DOCK4: variants seen among roughly 807,000 people sequenced by gnomAD.
DOCK4 encodes the protein dedicator of cytokinesis protein 4.
A neutral mutation model predicts 268.1 loss-of-function variants in DOCK4; 97 were observed. The observed-to-expected ratio is 0.36, with a 90% CI of 0.31 to 0.43. DOCK4 has a LOEUF of 0.43. DOCK4 is among the 20% of genes least tolerant of loss of function. The pLI is 1.00. For missense variants in DOCK4, 2,145 were observed against 2,455.7 expected, an observed-to-expected ratio of 0.87 and a Z score of 2.67; for synonymous variants, 954 against 887.2, an observed-to-expected ratio of 1.08 and a Z score of -1.34.
In DOCK4 at chr7:111,735,255, G is replaced by A. The variant is rs559338199; in HGVS notation, c.5306-88C>T. The A allele has an allele frequency of 3.3e-6, 3 of 906,304 alleles. No homozygotes were observed. The Admixed American group carries it at 9.7e-5, about 29-fold the overall frequency. 56.1% of individuals were successfully genotyped at this position (906,304 alleles called of 1,614,324 possible). On this transcript the variant is annotated intron_variant, in intron 50 of 52. Transcript: ENST00000428084. The stretch of plus-strand genomic sequence containing the variant: ...CTTAGAAGAAAGTCAGAATTATCCA[G>A]AATGAAAAACTTAACTGGATGAAAA...
intron 1 of DOCK4, among the ~76,000 whole-genome samples, chr7:112,028,466 C>G (rs1239135026): frequency 1.3e-5 from 2 of 152,144 alleles, no homozygotes; most frequent in Admixed American, 6.5e-5. Context: ...ATTGCAAACA[C>G]AGAACTACAT....
chr7:111,782,766 C>A, intron 35 of DOCK4, 98 bp downstream of exon 35: 1 of 1,207,288 alleles, frequency 8.3e-7, no homozygotes, highest in Non-Finnish European at 1.2e-6. Flanking sequence ...TTCTAAGAAA[C>A]ATCACATTGC....
At chr7:111,852,009 G>A (rs528397460) in intron 23 of DOCK4, among the ~76,000 whole-genome samples, 57 of 145,314 alleles carry the variant, frequency 3.9e-4, no homozygotes, top group Admixed American at 1.8e-3. Flanking sequence ...TGTCATCCAG[G>A]CTGGAGTGCA....
chr7:111,913,075 T>G (rs145845821), intron 13 of DOCK4, among the ~76,000 whole-genome samples: 1 of 151,944 alleles, frequency 6.6e-6, no homozygotes, highest in Non-Finnish European at 1.5e-5. Flanking sequence ...GCGATTCTCT[T>G]GCCTCAGCCT....
chr7:111,787,786 T>A (rs1799278269), intron 32 of DOCK4, among the ~76,000 whole-genome samples: 1 of 152,134 alleles, frequency 6.6e-6, no homozygotes, highest in East Asian at 1.9e-4. Flanking sequence ...TAGAAAAAAA[T>A]GTGTTACTGC....
intron 30 of DOCK4, among the ~76,000 whole-genome samples, chr7:111,791,439 C>T (rs1261973589): frequency 1.3e-5 from 2 of 150,932 alleles, no homozygotes; most frequent in Admixed American, 1.3e-4. Context: ...TAATTTTTCT[C>T]GAGTGTCTGT....
At chr7:111,872,155 T>G (rs1806484156) in intron 19 of DOCK4, 65 bp from the exon 20 acceptor site, 1 of 1,425,248 alleles carries the variant, frequency 7.0e-7, no homozygotes, top group Non-Finnish European at 9.4e-7. Context: ...TTTTTTTTGC[T>G]TCTTTTTAAA....
chr7:111,895,503 A>C (rs756183723), intron 16 of DOCK4, 109 bp downstream of exon 16: 45 of 943,370 alleles, frequency 4.8e-5, no homozygotes, highest in Non-Finnish European at 7.7e-5. Flanking sequence ...GCAATCTTAC[A>C]AGAATATTCA....
chr7:112,114,632 T>C (rs954482875), intron 1 of DOCK4, among the ~76,000 whole-genome samples: 1 of 152,204 alleles, frequency 6.6e-6, no homozygotes, highest in African/African-American at 2.4e-5. Flanking sequence ...CACAAGTAAT[T>C]TATGTGTGCT....
At chr7:111,863,124 G>A (rs1022296547) in intron 23 of DOCK4, 1 of 465,998 alleles carries the variant, frequency 2.1e-6, no homozygotes, top group East Asian at 4.2e-5. Flanking sequence ...ATCTCTGAAG[G>A]AGTGTTAAAT....
rs1286176470 is a variant in DOCK4 at position 111,874,511 on chromosome 7, T to TA, written c.1745-1948dup. On this transcript the variant is annotated intron_variant, in intron 17 of 52. Transcript: ENST00000428084. ...GGAGCATGTGGAAAAGCCCAGTAGT[T>TA]ATGTCCATCTGGATGTAATTAATCA... Among the ~76,000 whole-genome samples, 6 of 152,314 alleles carry TA rather than the reference T, an allele frequency of 3.9e-5. No homozygotes were observed. The East Asian group carries it at 1.2e-3, about 29-fold the overall frequency.
intron 12 of DOCK4, among the ~76,000 whole-genome samples, chr7:111,917,622 C>T (rs754037971): frequency 2.6e-5 from 4 of 151,256 alleles, no homozygotes; most frequent in Non-Finnish European, 4.4e-5. Flanking sequence ...AGGAGAATGG[C>T]GTGGGCCCGG....
At chr7:111,825,657 C>T (rs1024492745) in intron 26 of DOCK4, among the ~76,000 whole-genome samples, 1 of 152,162 alleles carries the variant, frequency 6.6e-6, no homozygotes, top group African/African-American at 2.4e-5. Context: ...TTACATCATA[C>T]AGCACAACAT....
chr7:111,879,360 G>A (rs1402726422), intron 16 of DOCK4, among the ~76,000 whole-genome samples: 4 of 152,180 alleles, frequency 2.6e-5, no homozygotes, highest in East Asian at 3.9e-4. Context: ...GCTCTGAGAC[G>A]TCCTGGCTTC....
At chr7:111,738,371 C>CAGAT (rs1477102272) in intron 49 of DOCK4, among the ~76,000 whole-genome samples, 7 of 152,164 alleles carry the variant, frequency 4.6e-5, no homozygotes, top group Admixed American at 4.6e-4. Context: ...CATGGGTACC[C>CAGAT]AGATAGGAAT....
chr7:112,128,327 C>T lies in DOCK4; in HGVS notation c.37+77775G>A, dbSNP rs527751183. 6.3e-4 allele frequency among the ~76,000 whole-genome samples: 96 copies of T among 152,074 alleles called. 1 individual carries two copies. The highest frequency in any genetic ancestry group is 1.4e-3 in the Admixed American group (21 of 15,282). ...CAGCCCCCTGCCCGGCCAGCCGCCC[C>T]GTCCGGGAGGTGAGGGGCGCCTCTG... On this transcript the variant is annotated intron_variant, in intron 1 of 52. Coordinates refer to ENST00000428084, the MANE Select transcript of DOCK4 (RefSeq NM_001363540.2).
At chr7:111,878,689 A>C (rs1249545904) in intron 16 of DOCK4, among the ~76,000 whole-genome samples, 4 of 152,060 alleles carry the variant, frequency 2.6e-5, no homozygotes, top group Non-Finnish European at 5.9e-5. Context: ...TGGGGACTTT[A>C]CATTGAACTC....
chr7:112,108,798 C>T (rs1370327900), intron 1 of DOCK4, among the ~76,000 whole-genome samples: 1 of 152,188 alleles, frequency 6.6e-6, no homozygotes, highest in African/African-American at 2.4e-5. Flanking sequence ...GGAAACCCAA[C>T]AATTGCTAAA....
intron 1 of DOCK4, among the ~76,000 whole-genome samples, chr7:112,032,552 A>G (rs576242359): frequency 6.6e-6 from 1 of 152,280 alleles, no homozygotes; most frequent in East Asian, 1.9e-4. Context: ...TAAGGAACCA[A>G]TGAAGGATCT....
Sources: gnomAD v4.1 joint callset for allele counts (sites outside exome capture counted in the v4.1 genomes callset) on GRCh38, gnomAD v4.1.1 for gene constraint, MANE v1.5 for transcripts, NCBI Gene and HGNC (gene_info 2026-07-23, HGNC 2026-07-21) for gene names.